TAS1R1: variants seen among roughly 807,000 people sequenced by gnomAD.
TAS1R1 encodes the protein taste 1 receptor member 1.
TAS1R1 carries 31 observed loss-of-function variants against 45.8 expected under a neutral mutation model. The ratio of observed to expected loss-of-function variants is 0.68; its 90% confidence interval spans 0.51 to 0.91. The LOEUF (loss-of-function observed/expected upper bound fraction) is 0.91. Ranked by LOEUF, TAS1R1 falls within the 40% of genes least tolerant of loss-of-function variation. TAS1R1 has a pLI of 0.00. For synonymous variants in TAS1R1, 437 were observed against 448.4 expected (o/e 0.97, Z 0.32); for missense variants, 1,051 against 1,063.9 (o/e 0.99, Z 0.17).
At position 6,575,197 on chromosome 1, in the gene TAS1R1, C is replaced by T; in HGVS notation, c.1065C>T (p.Gly355=). The T allele has an allele frequency of 6.2e-7, 1 of 1,611,018 alleles. No homozygotes were observed. The highest frequency in any genetic ancestry group is 1.1e-5 in the South Asian group (1 of 90,694). Residue 355 remains glycine (G), a synonymous_variant, in exon 3 of 6, where the codon GGC becomes GGT. Coordinates refer to ENST00000333172, the MANE Select transcript of TAS1R1 (RefSeq NM_138697.4). ...DKKAPRPCHK[G]SWCSSNQLCR... ...AGGCCCCTAGGCCTTGCCACAAGGGCTCCTGGTGCAGCAGCAATCAGCTCT... is the reference window on the plus strand; with the variant it reads ...AGGCCCCTAGGCCTTGCCACAAGGGTTCCTGGTGCAGCAGCAATCAGCTCT...
chr1:6,571,493 C>T (rs1183515724), intron 2 of TAS1R1, among the ~76,000 whole-genome samples: 1 of 152,238 alleles, frequency 6.6e-6, no homozygotes, highest in African/African-American at 2.4e-5. Context: ...CTGCTGCCCT[C>T]CACTTCCCTC....
chr1:6,568,507 C>T (rs368445343), intron 1 of TAS1R1, among the ~76,000 whole-genome samples: 4 of 82,468 alleles, frequency 4.9e-5, no homozygotes, highest in African/African-American at 1.5e-4. Flanking sequence ...GAGGCAGTGT[C>T]GATGCAGGTA....
chr1:6,561,425 T>C (rs1034248995), intron 1 of TAS1R1, among the ~76,000 whole-genome samples: 14 of 152,070 alleles, frequency 9.2e-5, no homozygotes, highest in Non-Finnish European at 1.9e-4. Context: ...AAAGAGTCTA[T>C]CTGGGGCCGG....
At chr1:6,570,050 A>AGAGAGAGAGAGAGAGAGT (rs1639972144) in intron 1 of TAS1R1, among the ~76,000 whole-genome samples, 1 of 149,334 alleles carries the variant, frequency 6.7e-6, no homozygotes, top group Non-Finnish European at 1.5e-5. Context: ...AGAGAGAGAG[A>AGAGAGAGAGAGAGAGAGT]GTGAGTCCTC....
Position 6,579,003 on chromosome 1 carries a change from C to A in TAS1R1, c.1945C>A (p.Leu649Met). 1 of 1,614,038 alleles carries A rather than the reference C, an allele frequency of 6.2e-7. No homozygotes were observed. Among genetic ancestry groups the A allele is most frequent in the Non-Finnish European group, 8.5e-7 (1 of 1,179,894 alleles). ...TGGTTTCACCATCTTCCTGTCCTGC[C>A]TGACAGTTCGCTCATTCCAACTAAT... ...ALGFTIFLSCLTVRSFQLIII... is the reference protein window; with the variant it reads ...ALGFTIFLSCMTVRSFQLIII... The change falls in exon 6 of 6, where the codon CTG (leucine) becomes ATG (methionine). Residue 649 changes from leucine (L) to methionine (M), a missense_variant. Physicochemically the swap from Leu to Met is conservative, Grantham distance 15 (BLOSUM62 2). Transcript: ENST00000333172.
In TAS1R1 at chr1:6,579,457, T is replaced by G. The variant is rs1640320494; in HGVS notation, c.2399T>G (p.Leu800Arg). Residue 800 changes from leucine (L) to arginine (R), a missense_variant, in exon 6 of 6, where the codon CTG (leucine) becomes CGG (arginine). Transcript: ENST00000333172. ...AANMMAGLSS[L>R]SSGFGGYFLP... ...AACATGATGGCTGGGCTGAGCAGCC[T>G]GAGCAGCGGCTTCGGTGGGTATTTT... 2 of 1,614,102 alleles carry G rather than the reference T, an allele frequency of 1.2e-6. No homozygotes were observed. Among genetic ancestry groups the G allele is most frequent in the Non-Finnish European group, 1.7e-6 (2 of 1,180,040 alleles).
At chr1:6,555,866 CTTTTTTTTT>C (rs770363613) in intron 1 of TAS1R1, among the ~76,000 whole-genome samples, 6,852 of 95,592 alleles carry the variant, frequency 0.072, 568 homozygotes, top group African/African-American at 0.22. Context: ...TTTCCCTCTT[CTTTTTTTTT>C]TTTTTTTTTT....
chr1:6,572,758 C>T (rs1421606890), intron 2 of TAS1R1, among the ~76,000 whole-genome samples: 5 of 152,156 alleles, frequency 3.3e-5, no homozygotes, highest in Non-Finnish European at 5.9e-5. Flanking sequence ...GCTGTGGGCT[C>T]GTGGTTTAAC....
intron 4 of TAS1R1, 50 bp downstream of exon 4, chr1:6,576,677 G>C (rs944578627): frequency 2.5e-6 from 4 of 1,593,430 alleles, no homozygotes; most frequent in East Asian, 2.2e-5. Flanking sequence ...GGGCAACCTA[G>C]AGCCTGGGGG....
At chr1:6,563,370 A>G (rs367828083) in intron 1 of TAS1R1, among the ~76,000 whole-genome samples, 1 of 152,206 alleles carries the variant, frequency 6.6e-6, no homozygotes, top group East Asian at 1.9e-4. Context: ...AGGGCCGTGA[A>G]TGGGCTTGTC....
rs111438487 is a variant in TAS1R1 at position 6,576,887 on chromosome 1, G to T, written c.1474-63G>T. The T allele has an allele frequency of 8.5e-5, 137 of 1,610,850 alleles. 1 individual carries two copies. In the African/African-American group the frequency reaches 1.5e-3, roughly 17 times the overall value. On this transcript the variant is annotated intron_variant, in intron 4 of 5. Transcript: ENST00000333172. The stretch of plus-strand genomic sequence containing the variant: ...CAGATGCACAGAGATTCTGTTTTCT[G>T]TTCCACATGTGAGCTGTCCTTTGAC...
At chr1:6,567,088 A>G (rs11586033) in intron 1 of TAS1R1, among the ~76,000 whole-genome samples, 143,076 of 152,218 alleles carry the variant, frequency 0.94, 67,542 homozygotes, top group Non-Finnish European at 0.98. Flanking sequence ...AATTTGGCTA[A>G]AAGGTCTCAG....
chr1:6,558,265 T>C (rs899905078), intron 1 of TAS1R1, among the ~76,000 whole-genome samples: 5 of 152,022 alleles, frequency 3.3e-5, no homozygotes, highest in Non-Finnish European at 7.4e-5. Flanking sequence ...CTCAAATTCT[T>C]GAGCTCAAGC....
At chr1:6,561,359 CT>C (rs1639784824) in intron 1 of TAS1R1, among the ~76,000 whole-genome samples, 1 of 152,102 alleles carries the variant, frequency 6.6e-6, no homozygotes, top group Non-Finnish European at 1.5e-5. Flanking sequence ...CGCAGTCCAC[CT>C]TTTTCGGCAG....
At chr1:6,557,948 G>A (rs747187284) in intron 1 of TAS1R1, among the ~76,000 whole-genome samples, 12 of 152,150 alleles carry the variant, frequency 7.9e-5, no homozygotes, top group Admixed American at 7.9e-4. Context: ...CTGAAGTAGG[G>A]GTGATAAGGC....
intron 1 of TAS1R1, among the ~76,000 whole-genome samples, chr1:6,557,128 C>G (rs573755308): frequency 2.0e-5 from 3 of 150,742 alleles, no homozygotes; most frequent in Admixed American, 6.7e-5. Context: ...ATGAAGCACA[C>G]GAGATGGTTG....
At chr1:6,555,588 A>C (rs1336781441) in intron 1 of TAS1R1, 24 bp downstream of exon 1, 1 of 1,533,750 alleles carries the variant, frequency 6.5e-7, no homozygotes, top group East Asian at 2.5e-5. Context: ...CAGCAGAGCC[A>C]CACTTAGTGG....
chr1:6,570,444 CAAA>C (rs35825229), intron 1 of TAS1R1, among the ~76,000 whole-genome samples: 2 of 98,572 alleles, frequency 2.0e-5, no homozygotes, highest in Non-Finnish European at 4.0e-5. Context: ...TAACACATCT[CAAA>C]AAAAAAAAAA....
At chr1:6,561,166 TGG>T (rs1171275741) in intron 1 of TAS1R1, among the ~76,000 whole-genome samples, 1 of 151,484 alleles carries the variant, frequency 6.6e-6, no homozygotes, top group African/African-American at 2.4e-5. Context: ...AAGGAGAAAA[TGG>T]GTTATGGCAG....
Sources: gnomAD v4.1 joint callset for allele counts (sites outside exome capture counted in the v4.1 genomes callset) on GRCh38, gnomAD v4.1.1 for gene constraint, MANE v1.5 for transcripts, NCBI Gene and HGNC (gene_info 2026-07-23, HGNC 2026-07-21) for gene names.